PRDM2: variants seen among roughly 807,000 people sequenced by gnomAD.
The protein encoded by PRDM2 is PR domain zinc finger protein 2.
In PRDM2, 30 loss-of-function variants were observed where a neutral mutation model predicts 130.0. That is an observed-to-expected ratio of 0.23 (90% CI 0.17 to 0.31). The LOEUF (loss-of-function observed/expected upper bound fraction) is 0.31. Among genes scored for constraint, PRDM2 ranks in the 10% least tolerant of loss-of-function variants. The pLI is 1.00. For synonymous variants in PRDM2, 871 were observed against 782.4 expected (o/e 1.11, Z -1.89); for missense variants, 2,011 against 2,108.4 (o/e 0.95, Z 0.90).
At chr1:13,807,877 C>T (rs1260284318) in intron 8 of PRDM2, among the ~76,000 whole-genome samples, 2 of 152,192 alleles carry the variant, frequency 1.3e-5, no homozygotes, top group South Asian at 2.1e-4. Context: ...ATTTCTGAGC[C>T]TTCCTATGAG....
intron 8 of PRDM2, among the ~76,000 whole-genome samples, chr1:13,789,120 A>G (rs1258076631): frequency 6.6e-6 from 1 of 152,186 alleles, no homozygotes; most frequent in African/African-American, 2.4e-5. Flanking sequence ...TGGAGGAGTC[A>G]CCAAGGAACC....
chr1:13,727,457 C>G (rs1557602938), intron 2 of PRDM2, among the ~76,000 whole-genome samples: 2 of 152,090 alleles, frequency 1.3e-5, no homozygotes, highest in Non-Finnish European at 2.9e-5. Context: ...GTTTCACCAT[C>G]TTGGCCAGGC....
At chr1:13,729,840 G>A (rs955882850) in intron 2 of PRDM2, among the ~76,000 whole-genome samples, 3 of 152,126 alleles carry the variant, frequency 2.0e-5, no homozygotes, top group African/African-American at 7.2e-5. Context: ...CTTGAAGCAG[G>A]CCAGAGAGTA....
At chr1:13,816,391 C>T (rs377522548) in intron 8 of PRDM2, 36 bp from the exon 9 acceptor site, 10 of 1,612,456 alleles carry the variant, frequency 6.2e-6, no homozygotes, top group Non-Finnish European at 8.5e-6. Context: ...GGGCTGGGCT[C>T]CTGTGACAAT....
At position 13,743,235 on chromosome 1, in the gene PRDM2, TA is replaced by T. The variant is rs577212185; in HGVS notation, c.384+1084del. 7.8e-4 allele frequency among the ~76,000 whole-genome samples: 118 copies of T among 151,446 alleles called. 1 individual carries two copies. The highest frequency in any genetic ancestry group is 7.1e-3 in the South Asian group (34 of 4,802). ...TAACATGGTGAAACCCCGTCTCTAC[TA>T]AAAAATACAAAAAATAAGCCAGGCA... On this transcript the variant is annotated intron_variant, in intron 5 of 9. Transcript: ENST00000311066.
At chr1:13,724,620 G>T (rs1216322810) in intron 2 of PRDM2, among the ~76,000 whole-genome samples, 2 of 150,250 alleles carry the variant, frequency 1.3e-5, no homozygotes, top group Admixed American at 6.7e-5. Flanking sequence ...TCAGCCTCCC[G>T]AGTAGCTGAG....
chr1:13,716,185 T>C (rs1054554330), intron 2 of PRDM2, among the ~76,000 whole-genome samples: 2 of 151,332 alleles, frequency 1.3e-5, no homozygotes, highest in Non-Finnish European at 2.9e-5. Context: ...TCATTCTCAG[T>C]AAACTATCGC....
At chr1:13,715,151 G>A (rs1169858135) in intron 1 of PRDM2, among the ~76,000 whole-genome samples, 3 of 152,048 alleles carry the variant, frequency 2.0e-5, no homozygotes, top group African/African-American at 7.2e-5. Flanking sequence ...GGGGTCTAAT[G>A]GTGTTTACGT....
intron 2 of PRDM2, among the ~76,000 whole-genome samples, chr1:13,729,672 T>C (rs1242193789): frequency 6.6e-6 from 1 of 152,194 alleles, no homozygotes; most frequent in African/African-American, 2.4e-5. Context: ...GCTAATTGGC[T>C]ATCTTATGTT....
At chr1:13,821,120 A>G (rs1024565726) in intron 9 of PRDM2, among the ~76,000 whole-genome samples, 3 of 152,060 alleles carry the variant, frequency 2.0e-5, no homozygotes, top group African/African-American at 7.2e-5. Flanking sequence ...TTCAGTGGCT[A>G]CTTCACGCCT....
chr1:13,815,659 C>T (rs1027917033), intron 8 of PRDM2, among the ~76,000 whole-genome samples: 6 of 152,080 alleles, frequency 3.9e-5, no homozygotes, highest in Non-Finnish European at 5.9e-5. Context: ...AGCTGAGTGA[C>T]GAAAGGAGAG....
intron 8 of PRDM2, among the ~76,000 whole-genome samples, chr1:13,801,641 T>C (rs1399362352): frequency 6.6e-6 from 1 of 152,236 alleles, no homozygotes; most frequent in African/African-American, 2.4e-5. Flanking sequence ...CTTGGGAAGA[T>C]TAAATTCATT....
At chr1:13,746,852 C>T (rs1003852020) in intron 5 of PRDM2, among the ~76,000 whole-genome samples, 7 of 152,192 alleles carry the variant, frequency 4.6e-5, no homozygotes, top group Non-Finnish European at 1.0e-4. Flanking sequence ...CCACTATGCC[C>T]GCTAATAATT....
chr1:13,777,473 C>T (rs1031887584), intron 7 of PRDM2, among the ~76,000 whole-genome samples: 2 of 150,630 alleles, frequency 1.3e-5, no homozygotes, highest in African/African-American at 4.9e-5. Flanking sequence ...TGTAAGTAGG[C>T]CCCTGTTTGC....
chr1:13,794,091 C>T (rs1434853973), intron 8 of PRDM2, among the ~76,000 whole-genome samples: 2 of 152,190 alleles, frequency 1.3e-5, no homozygotes, highest in Non-Finnish European at 2.9e-5. Context: ...TTCCTGAAGG[C>T]CACTTGCATT....
intron 3 of PRDM2, 51 bp downstream of exon 3, chr1:13,731,168 C>T: frequency 4.1e-6 from 6 of 1,456,234 alleles, no homozygotes; most frequent in Non-Finnish European, 4.8e-6. Context: ...GAGCAGGTGG[C>T]AGTGAGGCTT....
chr1:13,807,703 T>C (rs971706395), intron 8 of PRDM2, among the ~76,000 whole-genome samples: 11 of 152,202 alleles, frequency 7.2e-5, no homozygotes, highest in African/African-American at 2.4e-4. Flanking sequence ...AATGAAAGAA[T>C]GAATGCATCC....
chr1:13,794,563 T>G (rs1644891734), intron 8 of PRDM2, among the ~76,000 whole-genome samples: 1 of 152,164 alleles, frequency 6.6e-6, no homozygotes. Flanking sequence ...TTACTCAACC[T>G]CTCCGAGCCC....
At chr1:13,745,973 C>T (rs1643591691) in intron 5 of PRDM2, among the ~76,000 whole-genome samples, 1 of 152,130 alleles carries the variant, frequency 6.6e-6, no homozygotes, top group Admixed American at 6.5e-5. Context: ...TTCTGGAATA[C>T]TTCTCTAATT....
Sources: allele counts gnomAD v4.1 joint callset (sites outside exome capture counted in the v4.1 genomes callset), GRCh38; gene constraint gnomAD v4.1.1; transcripts MANE v1.5; gene names NCBI Gene and HGNC (gene_info 2026-07-23, HGNC 2026-07-21).